HHAT: variants seen among roughly 807,000 people sequenced by gnomAD.
HHAT encodes hedgehog acyltransferase, also known as protein-cysteine N-palmitoyltransferase HHAT.
In HHAT, 47 loss-of-function variants were observed where a neutral mutation model predicts 70.8. That is an observed-to-expected ratio of 0.66 (90% CI 0.53 to 0.85). The LOEUF (loss-of-function observed/expected upper bound fraction) is 0.85, where lower values mean the gene tolerates loss of function less well. HHAT is among the 40% of genes least tolerant of loss of function. The probability of loss-of-function intolerance (pLI) is 0.00; values close to 1 mark genes in which losing one functional copy is unlikely to be tolerated. For synonymous variants in HHAT, 228 were observed against 247.6 expected (o/e 0.92, Z 0.74); for missense variants, 609 against 604.8 (o/e 1.01, Z -0.07).
chr1:210,342,070 T>C (rs1054033313), intron 1 of HHAT, among the ~76,000 whole-genome samples: 4 of 152,076 alleles, frequency 2.6e-5, no homozygotes, highest in Non-Finnish European at 4.4e-5. Flanking sequence ...TCTTCCTCTT[T>C]TTTCCCCCTA....
chr1:210,362,236 C>CT lies in HHAT; in HGVS notation c.92-602dup, dbSNP rs72236593. On this transcript the variant is annotated intron_variant, in intron 2 of 11. Coordinates refer to ENST00000261458, the MANE Select transcript of HHAT (RefSeq NM_018194.6). Reference sequence around the variant, plus strand: ...TGTGGCATAGTCTGTGTCAAAATTTCTTTTTTTTTTTTTTCTTTTCTTTTT... The same window carrying CT: ...TGTGGCATAGTCTGTGTCAAAATTTCTTTTTTTTTTTTTTTCTTTTCTTTTT... Among the ~76,000 whole-genome samples, 327 of 139,674 alleles carry CT rather than the reference C, an allele frequency of 2.3e-3. 1 individual carries two copies. Among genetic ancestry groups the CT allele is most frequent in the Admixed American group, 3.8e-3 (53 of 13,882 alleles). The allele number at this position is 139,674 out of a possible 152,430, so 91.6% of individuals were successfully genotyped here. A position where few individuals can be genotyped will look rare whatever the true frequency, so the allele number is the denominator to read the frequency against.
At chr1:210,449,455 T>C (rs1164353199) in intron 7 of HHAT, among the ~76,000 whole-genome samples, 1 of 152,222 alleles carries the variant, frequency 6.6e-6, no homozygotes, top group Non-Finnish European at 1.5e-5. Context: ...CCGTCTACAC[T>C]TTTTCCTCCC....
At chr1:210,385,561 A>G (rs1005816324) in intron 3 of HHAT, among the ~76,000 whole-genome samples, 4 of 152,220 alleles carry the variant, frequency 2.6e-5, no homozygotes, top group Non-Finnish European at 5.9e-5. Flanking sequence ...GAAGCAATTC[A>G]ACTACATACA....
At chr1:210,622,192 G>A (rs1261488938) in intron 10 of HHAT, among the ~76,000 whole-genome samples, 4 of 152,112 alleles carry the variant, frequency 2.6e-5, no homozygotes, top group East Asian at 1.9e-4. Context: ...GAGTCATTCC[G>A]AGTTCTGTTT....
rs1269772965 is a variant in HHAT, at chr1:210,477,672, G to T, written c.1007+13017G>T. ...AACTTGCTAGCTGCAGGCTACAGAG[G>T]ATTTGCTAAGAAGTTAATTAAAATA... On this transcript the variant is annotated intron_variant, in intron 8 of 11. Coordinates refer to ENST00000261458, the MANE Select transcript of HHAT (RefSeq NM_018194.6). 4.6e-5 allele frequency among the ~76,000 whole-genome samples: 7 copies of T among 152,210 alleles called. No homozygotes were observed. In the South Asian group the frequency reaches 6.2e-4, roughly 14 times the overall value.
chr1:210,410,729 T>C (rs887199399), intron 6 of HHAT, among the ~76,000 whole-genome samples: 4 of 151,890 alleles, frequency 2.6e-5, no homozygotes, highest in African/African-American at 9.7e-5. Flanking sequence ...TTTGACCCTG[T>C]TGGCCAGGCT....
chr1:210,546,346 A>G (rs1026187247), intron 9 of HHAT, among the ~76,000 whole-genome samples: 1 of 152,250 alleles, frequency 6.6e-6, no homozygotes, highest in Non-Finnish European at 1.5e-5. Flanking sequence ...TGAGGAAGCC[A>G]TGAAACATTT....
chr1:210,458,934 G>C (rs184232601), intron 7 of HHAT, among the ~76,000 whole-genome samples: 121 of 152,244 alleles, frequency 7.9e-4, no homozygotes, highest in Non-Finnish European at 1.1e-3. Context: ...AATTCTAGGG[G>C]AGCTAGTTGG....
chr1:210,373,799 T>C (rs995632252), intron 3 of HHAT, among the ~76,000 whole-genome samples: 1 of 152,204 alleles, frequency 6.6e-6, no homozygotes, highest in East Asian at 1.9e-4. Context: ...TAGAATGTTA[T>C]CTAGAGAAGG....
chr1:210,445,683 T>C (rs147092645), intron 7 of HHAT, among the ~76,000 whole-genome samples: 3 of 152,326 alleles, frequency 2.0e-5, no homozygotes, highest in Non-Finnish European at 1.5e-5. Context: ...TCATTTTTCT[T>C]TGTTGACATC....
At chr1:210,543,623 C>T (rs1242435492) in intron 9 of HHAT, among the ~76,000 whole-genome samples, 3 of 152,092 alleles carry the variant, frequency 2.0e-5, no homozygotes, top group South Asian at 2.1e-4. Flanking sequence ...AAAGACTTCA[C>T]GTGTTTTGAA....
At chr1:210,343,520 G>A (rs2086221654) in intron 1 of HHAT, among the ~76,000 whole-genome samples, 1 of 152,136 alleles carries the variant, frequency 6.6e-6, no homozygotes, top group South Asian at 2.1e-4. Flanking sequence ...CTCTGTTAAG[G>A]AGGATGGGTG....
intron 10 of HHAT, among the ~76,000 whole-genome samples, chr1:210,622,979 G>T (rs1364741616): frequency 1.3e-5 from 2 of 152,334 alleles, no homozygotes; most frequent in East Asian, 3.9e-4. Flanking sequence ...CCACATGTCA[G>T]AGGGAAGCCC....
At chr1:210,563,314 A>C (rs574536726) in intron 9 of HHAT, among the ~76,000 whole-genome samples, 66 of 152,334 alleles carry the variant, frequency 4.3e-4, no homozygotes, top group African/African-American at 1.4e-3. Context: ...AGAATTTAGA[A>C]ATAGCAGAAA....
At chr1:210,577,637 ATTTTTTT>A (rs1192626068) in intron 9 of HHAT, among the ~76,000 whole-genome samples, 37 of 60,250 alleles carry the variant, frequency 6.1e-4, no homozygotes, top group Admixed American at 4.5e-3. Flanking sequence ...GGCCTGTAGG[ATTTTTTT>A]TTTTTTTTTT....
chr1:210,541,202 T>G (rs964608853), intron 9 of HHAT, among the ~76,000 whole-genome samples: 37 of 152,064 alleles, frequency 2.4e-4, no homozygotes, highest in African/African-American at 6.5e-4. Context: ...ATTAAAAAAA[T>G]AGAGACAATA....
At chr1:210,608,247 G>T (rs1031877145) in intron 10 of HHAT, among the ~76,000 whole-genome samples, 3 of 152,192 alleles carry the variant, frequency 2.0e-5, no homozygotes, top group African/African-American at 7.2e-5. Flanking sequence ...CCATGAGCCA[G>T]ATTTGGTCAA....
At chr1:210,468,952 C>A (rs975776290) in intron 8 of HHAT, among the ~76,000 whole-genome samples, 1 of 152,086 alleles carries the variant, frequency 6.6e-6, no homozygotes, top group Non-Finnish European at 1.5e-5. Flanking sequence ...CTGGGCCAAT[C>A]TTTTAATCTC....
intron 3 of HHAT, among the ~76,000 whole-genome samples, chr1:210,366,250 C>T (rs11119472): frequency 1.3e-5 from 2 of 152,126 alleles, no homozygotes; most frequent in African/African-American, 2.4e-5. Flanking sequence ...TTGTGGTGAG[C>T]TGCTCTGGAC....
Sources: allele counts gnomAD v4.1 joint callset (sites outside exome capture counted in the v4.1 genomes callset), GRCh38; gene constraint gnomAD v4.1.1; transcripts MANE v1.5; gene names NCBI Gene and HGNC (gene_info 2026-07-23, HGNC 2026-07-21).